Variants in MYO15A observed in about 807,000 individuals in gnomAD.
MYO15A encodes myosin XVA.
MYO15A carries 308 observed loss-of-function variants against 394.6 expected under a neutral mutation model. The ratio of observed to expected loss-of-function variants is 0.78; its 90% CI spans 0.71 to 0.86. The LOEUF (loss-of-function observed/expected upper bound fraction) is 0.86. Ranked by LOEUF, MYO15A falls within the 40% of genes least tolerant of loss-of-function variation. MYO15A has a pLI of 0.00. For synonymous variants in MYO15A, 1,957 were observed against 2,003.8 expected (o/e 0.98, Z 0.62); for missense variants, 4,606 against 4,799.1 (o/e 0.96, Z 1.19).
chr17:18,132,358 A>G lies in MYO15A; in HGVS notation c.4207-95A>G, dbSNP rs1316223350. The G allele has an allele frequency of 3.2e-6, 3 of 927,986 alleles. No homozygotes were observed. Among genetic ancestry groups the G allele is most frequent in the Non-Finnish European group, 1.8e-6 (1 of 570,540 alleles). 57.5% of individuals were successfully genotyped at this position (927,986 alleles called of 1,614,324 possible). Reference sequence around the variant, plus strand: ...TTCTCATCTGCAGCCCACTGTGTGCATGTGCACTTGTGGGCAGGCTTGGGC... The same window carrying G: ...TTCTCATCTGCAGCCCACTGTGTGCGTGTGCACTTGTGGGCAGGCTTGGGC... On this transcript the variant is annotated intron_variant, in intron 10 of 65. Transcript: ENST00000647165. The surrounding 1 kb of genome is among the most constrained non-coding windows in gnomAD (Gnocchi z 4.6).
At position 18,138,171 on chromosome 17, in the gene MYO15A, G is replaced by A. The variant is rs773598909; in HGVS notation, c.4932G>A (p.Gln1644=). Residue 1644 remains glutamine (Q), a synonymous_variant, in exon 17 of 66, where the codon CAG becomes CAA. Coordinates refer to ENST00000647165, the MANE Select transcript of MYO15A (RefSeq NM_016239.4). Reference sequence around the variant, plus strand: ...AGGAGATCACCTTTGCTGACAACCAGCCCTGCATCAACCTCATCTCACTGA... The same window carrying A: ...AGGAGATCACCTTTGCTGACAACCAACCCTGCATCAACCTCATCTCACTGA... The part of the protein sequence containing the change: ...DWQEITFADN[Q]PCINLISLKP... The A allele has an allele frequency of 6.8e-5, 109 of 1,613,622 alleles. No homozygotes were observed. The highest frequency in any genetic ancestry group is 9.1e-5 in the Non-Finnish European group (107 of 1,180,022).
At chr17:18,172,629 G>A (rs1184370539) in intron 64 of MYO15A, 2 of 376,030 alleles carry the variant, frequency 5.3e-6, no homozygotes, top group Non-Finnish European at 1.0e-5. Context: ...AATTCTGGAG[G>A]CTGGCGGTCC....
intron 39 of MYO15A, 48 bp from the exon 40 acceptor site, chr17:18,151,347 G>T (rs1010946674): frequency 2.5e-6 from 4 of 1,614,062 alleles, no homozygotes; most frequent in African/African-American, 1.3e-5. Flanking sequence ...TGGTGTGGTT[G>T]TGCCCCTTGT....
Position 18,157,138 on chromosome 17 carries a change from C to T in MYO15A, c.8714-18C>T. 1.2e-6 allele frequency: 2 copies of T among 1,610,716 alleles called. No homozygotes were observed. The highest frequency in any genetic ancestry group is 1.3e-5 in the African/African-American group (1 of 74,978). On this transcript the variant is annotated intron_variant, in intron 49 of 65. Transcript: ENST00000647165. ...AGGGGGCCTCCCTGGCAGATGCTGA[C>T]CCGAGCCTGGCCCATAGGCTACAGT...
intron 1 of MYO15A, among the ~76,000 whole-genome samples, chr17:18,112,403 G>T (rs2045733015): frequency 6.6e-6 from 1 of 151,738 alleles, no homozygotes; most frequent in African/African-American, 2.4e-5. Context: ...CACTTTTTTG[G>T]GGGGTCGTGG....
chr17:18,150,189 C>T lies in MYO15A; in HGVS notation c.7213-240C>T, dbSNP rs2046555219. Among the ~76,000 whole-genome samples, 3 of 152,144 alleles carry T rather than the reference C, an allele frequency of 2.0e-5. No individual in the cohort carries two copies. Among genetic ancestry groups the T allele is most frequent in the Admixed American group, 2.0e-4 (3 of 15,284 alleles). ...AGCCCTGAGCAGGGCACAACCCCTC[C>T]TTGAGCCTCAGTTTACTCCTCTGGG... On this transcript the variant is annotated intron_variant, in intron 35 of 65. Transcript: ENST00000647165. The surrounding 1 kb of genome is among the most constrained non-coding windows in gnomAD (Gnocchi z 4.4).
chr17:18,119,983 C>T lies in MYO15A; in HGVS notation c.1183C>T (p.Pro395Ser), dbSNP rs1567621012. Reference protein sequence around the residue: ...YGGGDEAIYPPEVPYFYPEES... With the variant: ...YGGGDEAIYPSEVPYFYPEES... The stretch of plus-strand genomic sequence containing the variant: ...CGGTGGGGACGAGGCCATCTACCCC[C>T]CCGAGGTGCCCTATTTTTACCCGGA... The change falls in exon 2 of 66, where the codon CCC becomes TCC. Residue 395 changes from proline (P) to serine (S), a missense_variant. Transcript: ENST00000647165. 3 of 1,613,768 alleles carry T rather than the reference C, an allele frequency of 1.9e-6. No individual in the cohort carries two copies. Among genetic ancestry groups the T allele is most frequent in the Admixed American group, 1.7e-5 (1 of 60,032 alleles).
intron 33 of MYO15A, 131 bp from the exon 34 acceptor site, chr17:18,149,085 G>A: frequency 6.8e-7 from 1 of 1,480,116 alleles, no homozygotes; most frequent in Non-Finnish European, 9.2e-7. Flanking sequence ...AGGTTCTTAA[G>A]GAGGTAGAGT....
Position 18,130,793 on chromosome 17 carries a change from A to G in MYO15A, c.4033-12A>G. 6.3e-7 allele frequency: 1 copy of G among 1,575,506 alleles called. No homozygotes were observed. The highest frequency in any genetic ancestry group is 1.1e-5 in the South Asian group (1 of 90,334). On this transcript the variant is annotated splice_polypyrimidine_tract_variant and intron_variant, in intron 7 of 65. Transcript: ENST00000647165. Reference sequence around the variant, plus strand: ...TCTGTCTCTTTGTCCTCCCTCCTGGACGCTCTTGAAGATAAAGGTACTCAG... The same window carrying G: ...TCTGTCTCTTTGTCCTCCCTCCTGGGCGCTCTTGAAGATAAAGGTACTCAG...
In MYO15A at chr17:18,155,139, C is replaced by G. The variant is rs763180596; in HGVS notation, c.8254C>G (p.Leu2752Val). 6.2e-6 allele frequency: 10 copies of G among 1,613,942 alleles called. No individual in the cohort carries two copies. Among genetic ancestry groups the G allele is most frequent in the South Asian group, 1.1e-5 (1 of 91,074 alleles). The change falls in exon 46 of 66, where the codon CTG (leucine) becomes GTG (valine). Residue 2752 changes from leucine (L) to valine (V), a missense_variant. Physicochemically the swap from Leu to Val is conservative, Grantham distance 32. Around this residue, in one of 2 missense-constraint regions of MYO15A, gnomAD observed 2,776 missense variants for 3,109.3 expected, o/e 0.89. Coordinates refer to ENST00000647165, the MANE Select transcript of MYO15A (RefSeq NM_016239.4). ...GAACCAGCTGGACACACAGAAGCCTCTGGTAACGGAAAGCGTGAAGCGGGC... is the reference window on the plus strand; with the variant it reads ...GAACCAGCTGGACACACAGAAGCCTGTGGTAACGGAAAGCGTGAAGCGGGC... The part of the protein sequence containing the change: ...AQNQLDTQKP[L>V]VTESVKRAVV...
At chr17:18,136,325 T>G in intron 13 of MYO15A, 92 bp from the exon 14 acceptor site, 1 of 1,494,704 alleles carries the variant, frequency 6.7e-7, no homozygotes, top group Non-Finnish European at 9.3e-7. Context: ...CCAGCCTCCC[T>G]TCTCCATGAT....
At position 18,140,830 on chromosome 17, in the gene MYO15A, A is replaced by G. The variant is rs1158325187; in HGVS notation, c.5404A>G (p.Lys1802Glu). Residue 1802 changes from lysine to glutamate, a missense_variant and splice_region_variant, in exon 21 of 66, where the codon AAG (lysine) becomes GAG (glutamate). Physicochemically the swap from Lys to Glu is moderately conservative, Grantham distance 56. This residue lies in a region of MYO15A where 2,776 missense variants were observed against 3,109.3 expected (regional missense o/e 0.89). Transcript: ENST00000647165. Reference sequence around the variant, plus strand: ...GCGTTGCCTGAAGCCCAACCACAAGAAGGTGAGTGAGAGCTGAGGCCTCTG... The same window carrying G: ...GCGTTGCCTGAAGCCCAACCACAAGGAGGTGAGTGAGAGCTGAGGCCTCTG... ...FMRCLKPNHK[K>E]EPGLFEPDVV... 9 of 1,614,014 alleles carry G rather than the reference A, an allele frequency of 5.6e-6. No homozygotes were observed. Among genetic ancestry groups the G allele is most frequent in the Non-Finnish European group, 7.6e-6 (9 of 1,180,040 alleles).
At chr17:18,123,904 G>C (rs770265668) in intron 2 of MYO15A, 58 of 169,742 alleles carry the variant, frequency 3.4e-4, no homozygotes, top group Non-Finnish European at 6.5e-5. Context: ...CACACCGTGT[G>C]CCTCCAGCCG....
rs914043898 is a variant in MYO15A at position 18,130,791 on chromosome 17, G to A, written c.4033-14G>A. ...TGTCTGTCTCTTTGTCCTCCCTCCT[G>A]GACGCTCTTGAAGATAAAGGTACTC... On this transcript the variant is annotated splice_polypyrimidine_tract_variant and intron_variant, in intron 7 of 65. Coordinates refer to ENST00000647165, the MANE Select transcript of MYO15A (RefSeq NM_016239.4). The A allele has an allele frequency of 2.3e-5, 37 of 1,606,640 alleles. No homozygotes were observed. Among genetic ancestry groups the A allele is most frequent in the Non-Finnish European group, 3.1e-5 (36 of 1,177,244 alleles).
intron 4 of MYO15A, among the ~76,000 whole-genome samples, chr17:18,125,779 A>G (rs1182214644): frequency 1.3e-5 from 2 of 151,620 alleles, no homozygotes; most frequent in Non-Finnish European, 2.9e-5. Context: ...CAGAGAATCC[A>G]GAAATATGTG....
In MYO15A at chr17:18,120,243, G is replaced by A. The variant is rs939958189; in HGVS notation, c.1443G>A (p.Pro481=). Residue 481 remains proline, a synonymous_variant, in exon 2 of 66, where the codon CCG becomes CCA. Coordinates refer to ENST00000647165, the MANE Select transcript of MYO15A (RefSeq NM_016239.4). ...LSLIRKFRLF[P]RPQVKLFGKE... is the part of the protein sequence containing the mutation. ...TCATCCGCAAGTTCCGCCTCTTCCC[G>A]CGACCCCAGGTGAAGCTGTTTGGGA... The A allele has an allele frequency of 4.3e-6, 7 of 1,612,032 alleles. No individual in the cohort carries two copies. In the African/African-American group the frequency reaches 6.7e-5, roughly 15 times the overall value.
chr17:18,138,956 G>A lies in MYO15A; in HGVS notation c.5133+20G>A, dbSNP rs569999131. 76 of 1,607,962 alleles carry A rather than the reference G, an allele frequency of 4.7e-5. 1 individual carries two copies. The South Asian group carries it at 7.7e-4, about 16-fold the overall frequency. On this transcript the variant is annotated intron_variant, in intron 18 of 65. Transcript: ENST00000647165. ...TACCAGGTGAGCCCTAAGACAGTCGGCCTGGACGCTGGTGCTGCAGTGCTG... is the reference window on the plus strand; with the variant it reads ...TACCAGGTGAGCCCTAAGACAGTCGACCTGGACGCTGGTGCTGCAGTGCTG...
intron 22 of MYO15A, 84 bp downstream of exon 22, chr17:18,141,227 C>T (rs2046373800): frequency 6.3e-7 from 1 of 1,590,542 alleles, no homozygotes; most frequent in East Asian, 2.2e-5. Context: ...CCAGGCAGTA[C>T]AGGGCTTGCC....
At chr17:18,142,726 A>G (rs767929711) in intron 24 of MYO15A, 30 bp from the exon 25 acceptor site, 3 of 1,603,488 alleles carry the variant, frequency 1.9e-6, no homozygotes, top group Non-Finnish European at 2.6e-6. Context: ...TGTGGCCCCA[A>G]TCCCTGACCT....
Sources: gnomAD v4.1 joint callset for allele counts (sites outside exome capture counted in the v4.1 genomes callset) on GRCh38, gnomAD v4.1.1 for gene constraint, gnomAD v4.1.1 regional missense constraint, Gnocchi (gnomAD v3.1) non-coding constraint, MANE v1.5 for transcripts, NCBI Gene and HGNC (gene_info 2026-07-23, HGNC 2026-07-21) for gene names.